The following FGR variants were observed in gnomAD, a reference collection of about 807,000 sequenced individuals.
The protein encoded by FGR is tyrosine-protein kinase Fgr.
A neutral mutation model predicts 63.2 loss-of-function variants in FGR; 26 were observed. The ratio of observed to expected loss-of-function variants is 0.41; its 90% CI spans 0.30 to 0.57. FGR has a LOEUF of 0.57. Ranked by LOEUF, FGR falls within the 20% of genes least tolerant of loss-of-function variation. FGR has a pLI of 0.27. For synonymous variants in FGR, 286 were observed against 277.7 expected, an observed-to-expected ratio of 1.03 and a Z score of -0.30; for missense variants, 511 against 690.8, an observed-to-expected ratio of 0.74 and a Z score of 2.92.
At chr1:27,613,901 G>A (rs2089748190) in intron 11 of FGR, among the ~76,000 whole-genome samples, 1 of 152,054 alleles carries the variant, frequency 6.6e-6, no homozygotes, top group South Asian at 2.1e-4. Context: ...TACTTGGCTA[G>A]CCTTTCCTGT....
rs570721226 is a variant in FGR, at chr1:27,626,189, A to G, written c.-76-1038T>C. ...TGAGCAACAGGGCAGGAGGTCATTG[A>G]GCAAGGGTCCCCCACACCCTGCCAG... On this transcript the variant is annotated intron_variant, in intron 1 of 12. Coordinates refer to ENST00000374005, the MANE Select transcript of FGR (RefSeq NM_005248.3). The G allele has an allele frequency of 1.4e-4, 57 of 398,686 alleles. 1 individual carries two copies. The highest frequency in any genetic ancestry group is 9.6e-4 in the African/African-American group (47 of 48,748). 24.7% of individuals were successfully genotyped at this position (398,686 alleles called of 1,614,324 possible).
intron 1 of FGR, chr1:27,625,914 G>C: frequency 2.6e-6 from 1 of 384,344 alleles, no homozygotes; most frequent in Non-Finnish European, 4.6e-6. Context: ...ACTCCAGCCC[G>C]GGTGACAGAG....
intron 1 of FGR, among the ~76,000 whole-genome samples, chr1:27,625,546 T>G (rs1208387815): frequency 6.6e-6 from 1 of 152,076 alleles, no homozygotes; most frequent in Non-Finnish European, 1.5e-5. Flanking sequence ...ACGAACACAC[T>G]CAGACACACA....
Position 27,623,728 on chromosome 1 carries a change from A to G in FGR, c.189T>C (p.Pro63=). 1.2e-6 allele frequency: 2 copies of G among 1,614,200 alleles called. No individual in the cohort carries two copies. The highest frequency in any genetic ancestry group is 1.7e-6 in the Non-Finnish European group (2 of 1,180,032). Residue 63 remains proline, a synonymous_variant, in exon 3 of 13, where the codon CCT becomes CCC. Transcript: ENST00000374005. Reference sequence around the variant, plus strand: ...TGATGGTGCCACTATCAAGGAAGCCAGGGTTGATGGCCTGAGAGGAGAAGT... The same window carrying G: ...TGATGGTGCCACTATCAAGGAAGCCGGGGTTGATGGCCTGAGAGGAGAAGT... ...YSNFSSQAIN[P]GFLDSGTIRG... is the part of the protein sequence containing the mutation.
At chr1:27,620,109 G>A (rs1333657449) in intron 5 of FGR, among the ~76,000 whole-genome samples, 1 of 152,034 alleles carries the variant, frequency 6.6e-6, no homozygotes. Context: ...TTGAGGTCAG[G>A]AGTTTGAGAC....
Position 27,619,036 on chromosome 1 carries a change from G to A in FGR, c.429-1740C>T, listed in dbSNP as rs141557406. On this transcript the variant is annotated intron_variant, in intron 5 of 12. Coordinates refer to ENST00000374005, the MANE Select transcript of FGR (RefSeq NM_005248.3). ...TTTCCTGAAGCTTCTCCGCTCTCTCGGTTGTTCTGACTTGGCCTGGTCTGG... is the reference window on the plus strand; with the variant it reads ...TTTCCTGAAGCTTCTCCGCTCTCTCAGTTGTTCTGACTTGGCCTGGTCTGG... Among the ~76,000 whole-genome samples the A allele has an allele frequency of 4.0e-4, 61 of 152,216 alleles. 1 individual carries two copies. Among genetic ancestry groups the A allele is most frequent in the African/African-American group, 1.4e-3 (58 of 41,526 alleles).
intron 4 of FGR, 33 bp from the exon 5 acceptor site, chr1:27,621,690 A>C (rs1383299510): frequency 6.5e-7 from 1 of 1,544,382 alleles, no homozygotes; most frequent in South Asian, 1.1e-5. Context: ...GGTCAGCAGC[A>C]CCTCCAGCCC....
chr1:27,629,942 G>A (rs927425380), intron 1 of FGR, among the ~76,000 whole-genome samples: 13 of 152,206 alleles, frequency 8.5e-5, no homozygotes, highest in Middle Eastern at 3.2e-3. Context: ...CCTAGTAGAA[G>A]CAATAATGCA....
rs758058977 is a variant in FGR, at chr1:27,616,962, C to T, written c.577G>A (p.Asp193Asn). The change falls in exon 7 of 13, where the codon GAT becomes AAT. Residue 193 changes from aspartate (D) to asparagine (N), a missense_variant. Transcript: ENST00000374005. The surrounding 1 kb of genome is among the most constrained non-coding windows in gnomAD (Gnocchi z 4.3). Reference protein sequence around the residue: ...SIRDWDQTRGDHVKHYKIRKL... With the variant: ...SIRDWDQTRGNHVKHYKIRKL... ...CGGATCTTGTAATGCTTCACATGAT[C>T]GCCTCTGGTCTGATCCCAGTCCCGG... 4 of 1,614,168 alleles carry T rather than the reference C, an allele frequency of 2.5e-6. No homozygotes were observed. The highest frequency in any genetic ancestry group is 2.2e-5 in the East Asian group (1 of 44,890).
intron 1 of FGR, among the ~76,000 whole-genome samples, chr1:27,629,159 G>T (rs965741790): frequency 4.0e-5 from 6 of 151,710 alleles, no homozygotes; most frequent in Non-Finnish European, 8.8e-5. Context: ...ATAGAAGGAA[G>T]AGACAGAGAC....
chr1:27,630,254 C>T (rs866454975), intron 1 of FGR, among the ~76,000 whole-genome samples: 11 of 152,194 alleles, frequency 7.2e-5, no homozygotes, highest in Middle Eastern at 3.4e-3. Context: ...GGGGTTTCAC[C>T]GTGTTAGCCC....
intron 4 of FGR, among the ~76,000 whole-genome samples, chr1:27,622,606 A>G (rs2089950997): frequency 6.6e-6 from 1 of 151,968 alleles, no homozygotes; most frequent in Non-Finnish European, 1.5e-5. Flanking sequence ...CCCGGGTTCA[A>G]GTGATTCTTC....
At chr1:27,614,694 G>A in intron 10 of FGR, 111 bp from the exon 11 acceptor site, 1 of 1,406,850 alleles carries the variant, frequency 7.1e-7, no homozygotes, top group South Asian at 1.3e-5. Context: ...GGGGGAGACT[G>A]AGGCCCAGAA....
chr1:27,620,991 CAAAAAA>C (rs59265327), intron 5 of FGR, among the ~76,000 whole-genome samples: 100 of 22,036 alleles, frequency 4.5e-3, no homozygotes, highest in African/African-American at 0.01. Flanking sequence ...GACCCTGTCT[CAAAAAA>C]AAAAAAAAAA....
At chr1:27,614,735 A>T (rs1410288857) in intron 10 of FGR, 115 bp downstream of exon 10, 2 of 1,316,832 alleles carry the variant, frequency 1.5e-6, no homozygotes, top group Admixed American at 4.1e-5. Context: ...GCACAGCTGG[A>T]GGCACAGCTG....
rs1242661678 is a variant in FGR at position 27,617,374 on chromosome 1, GC to G, written c.429-79del. 3.0e-6 allele frequency: 3 copies of G among 990,300 alleles called. No homozygotes were observed. The highest frequency in any genetic ancestry group is 4.8e-6 in the Non-Finnish European group (3 of 624,970). 61.3% of individuals were successfully genotyped at this position (990,300 alleles called of 1,614,324 possible). ...AGCCTCCTGCACAGTCACCTCACAA[GC>G]CAAGACTCCATTTTCCCCATGTGTA... On this transcript the variant is annotated intron_variant, in intron 5 of 12. Transcript: ENST00000374005. The surrounding 1 kb of genome is among the most constrained non-coding windows in gnomAD (Gnocchi z 4.5).
intron 10 of FGR, 116 bp from the exon 11 acceptor site, chr1:27,614,699 C>G: frequency 7.2e-7 from 1 of 1,391,484 alleles, no homozygotes; most frequent in South Asian, 1.3e-5. Flanking sequence ...AGACTGAGGC[C>G]CAGAAAGAGA....
chr1:27,616,831 C>T lies in FGR; in HGVS notation c.682+26G>A. ...TGGACAATGCTTCAGTTGGTTGGTT[C>T]AGGGATCTGAGGCCCCTGCCCTCAC... On this transcript the variant is annotated intron_variant, in intron 7 of 12. Transcript: ENST00000374005. This position sits in a 1 kb window ranked among gnomAD's most constrained non-coding sequence, Gnocchi z 4.3. 4 of 1,613,104 alleles carry T rather than the reference C, an allele frequency of 2.5e-6. No homozygotes were observed. The highest frequency in any genetic ancestry group is 3.4e-6 in the Non-Finnish European group (4 of 1,179,170).
chr1:27,624,041 G>T, intron 2 of FGR, 112 bp from the exon 3 acceptor site: 2 of 902,556 alleles, frequency 2.2e-6, no homozygotes, highest in Non-Finnish European at 3.3e-6. Flanking sequence ...TTTCCCTCTT[G>T]GGCCTAGATT....
Sources: allele counts gnomAD v4.1 joint callset (sites outside exome capture counted in the v4.1 genomes callset), GRCh38; gene constraint gnomAD v4.1.1; non-coding constraint Gnocchi (gnomAD v3.1); transcripts MANE v1.5; gene names NCBI Gene and HGNC (gene_info 2026-07-23, HGNC 2026-07-21).